PPM1H: variants seen among roughly 807,000 people sequenced by gnomAD.
The protein encoded by PPM1H is protein phosphatase 1H.
PPM1H carries 27 observed loss-of-function variants against 54.9 expected under a neutral mutation model. That is an observed-to-expected ratio of 0.49 (90% CI 0.36 to 0.68). The LOEUF (loss-of-function observed/expected upper bound fraction) is 0.68. Ranked by LOEUF, PPM1H falls within the 30% of genes least tolerant of loss-of-function variation. The pLI is 0.00. For synonymous variants in PPM1H, 305 were observed against 270.8 expected (o/e 1.13, Z -1.24); for missense variants, 596 against 667.8 (o/e 0.89, Z 1.19).
chr12:62,742,840 T>A (rs1467800846), intron 4 of PPM1H, among the ~76,000 whole-genome samples: 3 of 152,174 alleles, frequency 2.0e-5, no homozygotes, highest in Non-Finnish European at 4.4e-5. Context: ...TCCCACCCAA[T>A]AACCATTCCC....
chr12:62,705,732 C>A (rs1219695637), intron 6 of PPM1H, among the ~76,000 whole-genome samples: 5 of 152,192 alleles, frequency 3.3e-5, no homozygotes, highest in Non-Finnish European at 5.9e-5. Context: ...GAGACCCTTA[C>A]TTCATGAGCA....
At chr12:62,780,231 A>C (rs921766531) in intron 4 of PPM1H, among the ~76,000 whole-genome samples, 5 of 152,168 alleles carry the variant, frequency 3.3e-5, no homozygotes, top group Non-Finnish European at 5.9e-5. Flanking sequence ...GACCAGATTA[A>C]ATTTACTGTC....
intron 1 of PPM1H, among the ~76,000 whole-genome samples, chr12:62,833,529 C>A (rs1298901993): frequency 2.0e-5 from 3 of 152,092 alleles, no homozygotes; most frequent in Non-Finnish European, 4.4e-5. Context: ...AGACTCCTGA[C>A]CTTATTCAAA....
chr12:62,843,493 T>C (rs916591413), intron 1 of PPM1H, among the ~76,000 whole-genome samples: 1 of 152,234 alleles, frequency 6.6e-6, no homozygotes, highest in Non-Finnish European at 1.5e-5. Flanking sequence ...CATTCTGATA[T>C]CTTCTTATAG....
At chr12:62,706,049 T>A (rs1458901128) in intron 6 of PPM1H, among the ~76,000 whole-genome samples, 1 of 152,250 alleles carries the variant, frequency 6.6e-6, no homozygotes, top group Non-Finnish European at 1.5e-5. Context: ...CAGTGTCCCC[T>A]GGGAGAAGCC....
At chr12:62,744,431 A>C (rs1263630709) in intron 4 of PPM1H, among the ~76,000 whole-genome samples, 1 of 149,806 alleles carries the variant, frequency 6.7e-6, no homozygotes, top group East Asian at 2.0e-4. Context: ...AGGTTGCACC[A>C]CTGCACTCCA....
chr12:62,648,395 A>G lies in PPM1H; in HGVS notation c.*94T>C. On this transcript the variant is annotated 3_prime_UTR_variant, in exon 10 of 10. Transcript: ENST00000228705. ...GCTTGGGCTGGGAAGAGACTGCATCACTTGGAACTCAGCTGGGGCACTTCC... is the reference window on the plus strand; with the variant it reads ...GCTTGGGCTGGGAAGAGACTGCATCGCTTGGAACTCAGCTGGGGCACTTCC... 2 of 1,475,912 alleles carry G rather than the reference A, an allele frequency of 1.4e-6. No homozygotes were observed. Among genetic ancestry groups the G allele is most frequent in the Non-Finnish European group, 1.9e-6 (2 of 1,076,106 alleles). 91.4% of individuals were successfully genotyped at this position (1,475,912 alleles called of 1,614,324 possible).
intron 1 of PPM1H, among the ~76,000 whole-genome samples, chr12:62,882,292 G>C (rs1421034827): frequency 6.6e-6 from 1 of 152,180 alleles, no homozygotes; most frequent in Non-Finnish European, 1.5e-5. Context: ...ACCCTACAGA[G>C]GCTTTACATA....
intron 6 of PPM1H, 41 bp downstream of exon 6, chr12:62,720,130 C>T (rs1361804534): frequency 6.7e-7 from 1 of 1,492,466 alleles, no homozygotes; most frequent in Non-Finnish European, 9.3e-7. Flanking sequence ...TTCCTTCACA[C>T]ACACTGTGTG....
intron 1 of PPM1H, among the ~76,000 whole-genome samples, chr12:62,909,451 T>G (rs1323802701): frequency 2.6e-5 from 4 of 151,962 alleles, no homozygotes; most frequent in African/African-American, 9.7e-5. Context: ...TTTGTTCCCT[T>G]CTCCCCAGCC....
chr12:62,787,573 T>C (rs952942901), intron 4 of PPM1H, among the ~76,000 whole-genome samples: 1 of 152,212 alleles, frequency 6.6e-6, no homozygotes, highest in Admixed American at 6.5e-5. Context: ...TAATCCCAGC[T>C]ACTCAGGCTG....
At chr12:62,831,491 A>G (rs78965702) in intron 2 of PPM1H, among the ~76,000 whole-genome samples, 3,439 of 152,102 alleles carry the variant, frequency 0.023, 132 homozygotes, top group African/African-American at 0.079. Flanking sequence ...GGGCTGCAAG[A>G]GTTTTGGGCC....
intron 1 of PPM1H, among the ~76,000 whole-genome samples, chr12:62,917,160 C>T (rs1565828482): frequency 6.6e-6 from 1 of 152,252 alleles, no homozygotes; most frequent in Non-Finnish European, 1.5e-5. Context: ...TACAGTGACA[C>T]GTGGCTGCAG....
intron 1 of PPM1H, among the ~76,000 whole-genome samples, chr12:62,917,382 C>CT (rs981163258): frequency 3.9e-5 from 6 of 152,282 alleles, no homozygotes; most frequent in Middle Eastern, 3.4e-3. Flanking sequence ...ATCTTCATTT[C>CT]TTTTTTTCCT....
chr12:62,903,695 A>G (rs1871226913), intron 1 of PPM1H, among the ~76,000 whole-genome samples: 1 of 152,192 alleles, frequency 6.6e-6, no homozygotes, highest in African/African-American at 2.4e-5. Flanking sequence ...CCTTATGTGT[A>G]CTAAGTAACC....
chr12:62,823,034 T>C (rs1409940940), intron 2 of PPM1H, among the ~76,000 whole-genome samples: 2 of 151,902 alleles, frequency 1.3e-5, no homozygotes, highest in Non-Finnish European at 2.9e-5. Flanking sequence ...AAGAATCAAA[T>C]AGATGCAATA....
At chr12:62,815,999 C>A (rs1448102278) in intron 2 of PPM1H, among the ~76,000 whole-genome samples, 1 of 152,168 alleles carries the variant, frequency 6.6e-6, no homozygotes, top group Non-Finnish European at 1.5e-5. Flanking sequence ...GGGGACACTG[C>A]TAACTAACTC....
At chr12:62,833,659 G>A (rs1331423366) in intron 1 of PPM1H, among the ~76,000 whole-genome samples, 7 of 152,154 alleles carry the variant, frequency 4.6e-5, no homozygotes, top group South Asian at 2.1e-4. Flanking sequence ...TTTGAGTGCC[G>A]CAAGATGTAA....
chr12:62,807,783 G>A (rs1401476591), intron 2 of PPM1H, among the ~76,000 whole-genome samples: 2 of 152,206 alleles, frequency 1.3e-5, no homozygotes, highest in Admixed American at 6.5e-5. Context: ...GCTGTTAAAA[G>A]TGTAAGAGAC....
Sources: gnomAD v4.1 joint callset for allele counts (sites outside exome capture counted in the v4.1 genomes callset) on GRCh38, gnomAD v4.1.1 for gene constraint, MANE v1.5 for transcripts, NCBI Gene and HGNC (gene_info 2026-07-23, HGNC 2026-07-21) for gene names.